The following TMEM108 variants were observed in gnomAD, a reference collection of about 807,000 sequenced individuals.
TMEM108 encodes the protein transmembrane protein 108.
TMEM108 carries 12 observed loss-of-function variants against 35.1 expected under a neutral mutation model. That is an observed-to-expected ratio of 0.34 (90% CI 0.22 to 0.55). TMEM108 has a LOEUF of 0.55. Ranked by LOEUF, TMEM108 falls within the 20% of genes least tolerant of loss-of-function variation. The pLI is 0.89. For missense variants in TMEM108, 680 were observed against 753.3 expected (o/e 0.90, Z 1.14); for synonymous variants, 287 against 308.6 (o/e 0.93, Z 0.73).
intron 3 of TMEM108, among the ~76,000 whole-genome samples, chr3:133,233,211 C>G (rs1279952209): frequency 1.3e-5 from 2 of 152,030 alleles, no homozygotes; most frequent in African/African-American, 4.8e-5. Context: ...CACAACAGTC[C>G]CCAGAGTGTG....
chr3:133,390,417 C>T, intron 5 of TMEM108, 83 bp downstream of exon 5: 1 of 1,501,432 alleles, frequency 6.7e-7, no homozygotes, highest in Admixed American at 1.8e-5. Context: ...TTTCTGAGTG[C>T]CTTGCTCCTT....
chr3:133,157,641 T>C (rs1211039624), intron 2 of TMEM108, among the ~76,000 whole-genome samples: 5 of 152,182 alleles, frequency 3.3e-5, no homozygotes, highest in African/African-American at 4.8e-5. Context: ...GTATTCTGCT[T>C]AAGAGTACTT....
At chr3:133,311,679 G>T (rs1003727664) in intron 3 of TMEM108, among the ~76,000 whole-genome samples, 1 of 152,158 alleles carries the variant, frequency 6.6e-6, no homozygotes, top group African/African-American at 2.4e-5. Flanking sequence ...GCTCAGAGAA[G>T]TTTATTACCA....
intron 2 of TMEM108, among the ~76,000 whole-genome samples, chr3:133,061,110 G>A (rs1237698319): frequency 1.3e-5 from 2 of 152,002 alleles, no homozygotes; most frequent in East Asian, 3.8e-4. Flanking sequence ...AACATGCAAG[G>A]CCTGTTCAAT....
intron 3 of TMEM108, among the ~76,000 whole-genome samples, chr3:133,290,129 G>A (rs1947042245): frequency 3.0e-5 from 4 of 133,632 alleles, no homozygotes; most frequent in Non-Finnish European, 6.9e-5. Flanking sequence ...CTAAGAAGAG[G>A]GGGACAGAGC....
Position 133,241,677 on chromosome 3 carries a change from A to C in TMEM108, c.40+12326A>C, listed in dbSNP as rs534547070. 5.2e-5 allele frequency among the ~76,000 whole-genome samples: 7 copies of C among 133,686 alleles called. No individual in the cohort carries two copies. In the East Asian group the frequency reaches 9.0e-4, roughly 17 times the overall value. The allele number at this position is 133,686 out of a possible 152,430, so 87.7% of individuals were successfully genotyped here. On this transcript the variant is annotated intron_variant, in intron 3 of 5. Transcript: ENST00000321871. ...TTTGTCCAGGCTGGAGTACAATGGC[A>C]TGATCTTGGTGCACTGCAACCTCTG...
intron 2 of TMEM108, among the ~76,000 whole-genome samples, chr3:133,097,360 GT>G (rs540201810): frequency 3.0e-4 from 46 of 152,308 alleles, no homozygotes; most frequent in African/African-American, 9.9e-4. Context: ...GCTTTCTAAT[GT>G]TTTAATGTTC....
intron 5 of TMEM108, among the ~76,000 whole-genome samples, chr3:133,391,556 C>G (rs1052678856): frequency 1.3e-5 from 2 of 152,232 alleles, no homozygotes; most frequent in African/African-American, 4.8e-5. Flanking sequence ...CCCAGGCCAA[C>G]TTTCCAGCCT....
intron 3 of TMEM108, among the ~76,000 whole-genome samples, chr3:133,278,183 A>C (rs1205640175): frequency 6.6e-6 from 1 of 152,228 alleles, no homozygotes; most frequent in African/African-American, 2.4e-5. Flanking sequence ...ACCTCACAAG[A>C]CATGGGAAGT....
chr3:133,351,118 G>C (rs185875478), intron 3 of TMEM108, among the ~76,000 whole-genome samples: 1 of 152,290 alleles, frequency 6.6e-6, no homozygotes, highest in East Asian at 1.9e-4. Flanking sequence ...GCACCACACT[G>C]TGGTCCTAGT....
At chr3:133,165,922 CT>C (rs1419697200) in intron 2 of TMEM108, among the ~76,000 whole-genome samples, 1 of 152,188 alleles carries the variant, frequency 6.6e-6, no homozygotes, top group Non-Finnish European at 1.5e-5. Context: ...GTCCAAAGGT[CT>C]TTTCAGGGCA....
chr3:133,193,565 G>C (rs1945531336), intron 2 of TMEM108, among the ~76,000 whole-genome samples: 1 of 152,140 alleles, frequency 6.6e-6, no homozygotes, highest in South Asian at 2.1e-4. Context: ...AAAAAAATAA[G>C]ATTGCCGATA....
chr3:133,348,239 T>C lies in TMEM108; in HGVS notation c.41-31513T>C, dbSNP rs1434849918. ...AACTAGATAGCCCTGAAACAGTTTGTTTATAACAGTTTTATTATATTTTTA... is the reference window on the plus strand; with the variant it reads ...AACTAGATAGCCCTGAAACAGTTTGCTTATAACAGTTTTATTATATTTTTA... On this transcript the variant is annotated intron_variant, in intron 3 of 5. Coordinates refer to ENST00000321871, the MANE Select transcript of TMEM108 (RefSeq NM_023943.4). 1.3e-5 allele frequency among the ~76,000 whole-genome samples: 2 copies of C among 152,094 alleles called. 1 individual carries two copies. Among genetic ancestry groups the C allele is most frequent in the Non-Finnish European group, 2.9e-5 (2 of 68,016 alleles).
intron 2 of TMEM108, among the ~76,000 whole-genome samples, chr3:133,215,952 A>G (rs183318927): frequency 7.4e-4 from 112 of 152,250 alleles, no homozygotes; most frequent in African/African-American, 2.5e-3. Context: ...TATCAATCCT[A>G]AATTTTCATA....
intron 2 of TMEM108, among the ~76,000 whole-genome samples, chr3:133,141,879 G>A (rs1944646735): frequency 6.6e-6 from 1 of 152,136 alleles, no homozygotes; most frequent in Admixed American, 6.6e-5. Context: ...TCATGTAATT[G>A]GAATGAATCT....
At chr3:133,043,998 C>T (rs1472702062) in intron 1 of TMEM108, among the ~76,000 whole-genome samples, 1 of 152,124 alleles carries the variant, frequency 6.6e-6, no homozygotes, top group East Asian at 1.9e-4. Context: ...GCTTGAAAAT[C>T]TCTTGCTTTG....
intron 3 of TMEM108, among the ~76,000 whole-genome samples, chr3:133,340,495 AC>A (rs2071628382): frequency 1.3e-5 from 2 of 151,646 alleles, no homozygotes; most frequent in Admixed American, 1.3e-4. Context: ...CATTTAAAGA[AC>A]AACTAATACC....
At chr3:133,132,311 A>C (rs559353844) in intron 2 of TMEM108, among the ~76,000 whole-genome samples, 1 of 152,352 alleles carries the variant, frequency 6.6e-6, no homozygotes, top group Non-Finnish European at 1.5e-5. Flanking sequence ...TTCAGAGGGC[A>C]GGGTGACTCT....
chr3:133,357,650 A>C (rs748186750), intron 3 of TMEM108, among the ~76,000 whole-genome samples: 1 of 152,246 alleles, frequency 6.6e-6, no homozygotes, highest in Admixed American at 6.5e-5. Flanking sequence ...GCTGGAGTCC[A>C]TTATTCCAAG....
Sources: gnomAD v4.1 joint callset for allele counts (sites outside exome capture counted in the v4.1 genomes callset) on GRCh38, gnomAD v4.1.1 for gene constraint, MANE v1.5 for transcripts, NCBI Gene and HGNC (gene_info 2026-07-23, HGNC 2026-07-21) for gene names.